Variants in CERS6 observed in about 807,000 individuals in gnomAD.
The protein encoded by CERS6 is LAG1 homolog, ceramide synthase 6.
In CERS6, 26 loss-of-function variants were observed where a neutral mutation model predicts 56.8. That is an observed-to-expected ratio of 0.46 (90% CI 0.34 to 0.63). The LOEUF is 0.63. CERS6 is among the 30% of genes least tolerant of loss of function. The probability of loss-of-function intolerance (pLI) is 0.01; values close to 1 mark genes in which losing one functional copy is unlikely to be tolerated. For synonymous variants in CERS6, 164 were observed against 173.3 expected (o/e 0.95, Z 0.42); for missense variants, 415 against 467.5 (o/e 0.89, Z 1.04).
chr2:168,719,508 C>T (rs1477730190), intron 8 of CERS6, among the ~76,000 whole-genome samples: 1 of 152,140 alleles, frequency 6.6e-6, no homozygotes, highest in Admixed American at 6.6e-5. Flanking sequence ...AAAGACTGTG[C>T]TTTAGGTAGA....
At chr2:168,487,558 A>G (rs1448827062) in intron 1 of CERS6, among the ~76,000 whole-genome samples, 1 of 152,250 alleles carries the variant, frequency 6.6e-6, no homozygotes, top group African/African-American at 2.4e-5. Flanking sequence ...TCATACAATT[A>G]TAAGAGGCTT....
At chr2:168,679,641 G>C (rs1165790774) in intron 4 of CERS6, among the ~76,000 whole-genome samples, 1 of 152,170 alleles carries the variant, frequency 6.6e-6, no homozygotes, top group African/African-American at 2.4e-5. Flanking sequence ...AGGGAGATTA[G>C]TACCTCGCTC....
chr2:168,540,246 A>G (rs950624048), intron 1 of CERS6, among the ~76,000 whole-genome samples: 3 of 152,030 alleles, frequency 2.0e-5, no homozygotes, highest in Non-Finnish European at 2.9e-5. Context: ...CTCTACATAT[A>G]CAATAGTGGT....
intron 3 of CERS6, among the ~76,000 whole-genome samples, chr2:168,565,815 T>C (rs1018417284): frequency 1.3e-5 from 2 of 152,200 alleles, no homozygotes; most frequent in Admixed American, 6.5e-5. Context: ...CAGATTCTTA[T>C]TGGCAACTGA....
At chr2:168,566,453 T>G (rs1407617968) in intron 3 of CERS6, among the ~76,000 whole-genome samples, 3 of 152,224 alleles carry the variant, frequency 2.0e-5, no homozygotes, top group African/African-American at 4.8e-5. Context: ...AAACTGTGAT[T>G]ATTTCTGCAA....
At chr2:168,733,499 T>C (rs1257788490) in intron 8 of CERS6, among the ~76,000 whole-genome samples, 2 of 152,218 alleles carry the variant, frequency 1.3e-5, no homozygotes, top group African/African-American at 4.8e-5. Flanking sequence ...CCTTATTGCT[T>C]CTACATCTGA....
At chr2:168,610,545 C>T (rs80036578) in intron 3 of CERS6, among the ~76,000 whole-genome samples, 16 of 152,088 alleles carry the variant, frequency 1.1e-4, no homozygotes, top group African/African-American at 3.1e-4. Flanking sequence ...ATTTTCCAAA[C>T]GGAGAACTGA....
chr2:168,755,776 G>A (rs1018316523), intron 8 of CERS6, among the ~76,000 whole-genome samples: 2 of 152,172 alleles, frequency 1.3e-5, no homozygotes, highest in Non-Finnish European at 2.9e-5. Flanking sequence ...CTCTCTACTT[G>A]TCAGTGGAGT....
At chr2:168,564,756 T>C (rs1695854432) in intron 3 of CERS6, among the ~76,000 whole-genome samples, 2 of 152,204 alleles carry the variant, frequency 1.3e-5, no homozygotes, top group Admixed American at 6.5e-5. Flanking sequence ...GGCCTGACTA[T>C]TGGGGCTGGA....
At chr2:168,730,520 A>C (rs137984039) in intron 8 of CERS6, among the ~76,000 whole-genome samples, 1 of 152,300 alleles carries the variant, frequency 6.6e-6, no homozygotes, top group Non-Finnish European at 1.5e-5. Context: ...CCTTCCATGC[A>C]GTCGTCCAAG....
At chr2:168,577,339 C>T (rs544017344) in intron 3 of CERS6, among the ~76,000 whole-genome samples, 9 of 152,212 alleles carry the variant, frequency 5.9e-5, no homozygotes, top group South Asian at 2.1e-4. Context: ...GCAAGTCATT[C>T]GGTGTCTGCC....
chr2:168,723,168 A>G (rs1432925082), intron 8 of CERS6, among the ~76,000 whole-genome samples: 1 of 152,212 alleles, frequency 6.6e-6, no homozygotes, highest in African/African-American at 2.4e-5. Context: ...AGAGATAAGT[A>G]GAATATGATG....
At chr2:168,553,162 A>G (rs1323868498) in intron 2 of CERS6, among the ~76,000 whole-genome samples, 4 of 152,138 alleles carry the variant, frequency 2.6e-5, no homozygotes, top group Non-Finnish European at 5.9e-5. Context: ...AGCAAAGAAT[A>G]TGGAAGATAG....
chr2:168,737,981 G>C (rs556069433), intron 8 of CERS6, among the ~76,000 whole-genome samples: 1 of 152,190 alleles, frequency 6.6e-6, no homozygotes, highest in African/African-American at 2.4e-5. Context: ...CATATATATA[G>C]AGAGAGGTAT....
At chr2:168,602,023 A>G (rs1285567857) in intron 3 of CERS6, among the ~76,000 whole-genome samples, 1 of 152,128 alleles carries the variant, frequency 6.6e-6, no homozygotes, top group African/African-American at 2.4e-5. Flanking sequence ...AATCATAAAC[A>G]CCTTAAATGA....
At chr2:168,765,790 T>G (rs1574230887) in intron 9 of CERS6, 42 bp downstream of exon 9, 1 of 1,571,444 alleles carries the variant, frequency 6.4e-7, no homozygotes, top group East Asian at 2.3e-5. Context: ...TTAAAAAATT[T>G]TGTTTTTGTA....
intron 8 of CERS6, among the ~76,000 whole-genome samples, chr2:168,726,320 T>C (rs976581183): frequency 6.6e-6 from 1 of 152,230 alleles, no homozygotes; most frequent in Admixed American, 6.5e-5. Context: ...CCATTTGTCC[T>C]TTCTACAATA....
intron 1 of CERS6, among the ~76,000 whole-genome samples, chr2:168,521,883 G>T (rs1432559893): frequency 6.6e-6 from 1 of 152,184 alleles, no homozygotes; most frequent in Non-Finnish European, 1.5e-5. Context: ...AATTGTCTTT[G>T]AATGGAAATA....
intron 2 of CERS6, among the ~76,000 whole-genome samples, chr2:168,554,238 T>C (rs537579607): frequency 7.3e-5 from 10 of 137,436 alleles, no homozygotes; most frequent in Non-Finnish European, 1.5e-4. Context: ...AATAAACTTA[T>C]AATCATATTA....
Sources: gnomAD v4.1 joint callset for allele counts (sites outside exome capture counted in the v4.1 genomes callset) on GRCh38, gnomAD v4.1.1 for gene constraint, MANE v1.5 for transcripts, NCBI Gene and HGNC (gene_info 2026-07-23, HGNC 2026-07-21) for gene names.